KCNQ1: variants seen among roughly 807,000 people sequenced by gnomAD.
KCNQ1 encodes potassium voltage-gated channel subfamily Q member 1, also known as potassium voltage-gated channel subfamily KQT member 1.
In KCNQ1, 49 loss-of-function variants were observed where a neutral mutation model predicts 72.4. That is an observed-to-expected ratio of 0.68 (90% CI 0.54 to 0.86). KCNQ1 has a LOEUF of 0.86. Ranked by LOEUF, KCNQ1 falls within the 40% of genes least tolerant of loss-of-function variation. KCNQ1 has a pLI of 0.00. For missense variants in KCNQ1, 790 were observed against 945.1 expected, an observed-to-expected ratio of 0.84 and a Z score of 2.15; for synonymous variants, 450 against 412.6, an observed-to-expected ratio of 1.09 and a Z score of -1.10.
rs963168641 is a variant in KCNQ1 at position 2,658,913 on chromosome 11, A to C, written c.1394-3048A>C. 2.5e-6 allele frequency: 1 copy of C among 398,536 alleles called. No homozygotes were observed. The allele number at this position is 398,536 out of a possible 1,614,324, so 24.7% of individuals were successfully genotyped here. ...TATTGTACACGTAGTACCCTATGTG[A>C]AGCAAATTTACCTACTAGATTAGAG... is the stretch of plus-strand genomic sequence containing the variant. On this transcript the variant is annotated intron_variant, in intron 10 of 15. Coordinates refer to ENST00000155840, the MANE Select transcript of KCNQ1 (RefSeq NM_000218.3). This position sits in a 1 kb window ranked among gnomAD's most constrained non-coding sequence, Gnocchi z 4.9.
chr11:2,655,214 A>G, intron 10 of KCNQ1: 1 of 398,660 alleles, frequency 2.5e-6, no homozygotes, highest in Non-Finnish European at 4.4e-6. Flanking sequence ...CAGCTGGGGT[A>G]GTCGCCACGC....
chr11:2,658,441 T>C lies in KCNQ1; in HGVS notation c.1394-3520T>C. On this transcript the variant is annotated intron_variant, in intron 10 of 15. Transcript: ENST00000155840. This position sits in a 1 kb window ranked among gnomAD's most constrained non-coding sequence, Gnocchi z 4.9. ...GTTCAAGCTGTGGCCACTGGTGGGT[T>C]CATGTGTCCTTTTGATGTGCCCCCC... 2 of 398,606 alleles carry C rather than the reference T, an allele frequency of 5.0e-6. No homozygotes were observed. Among genetic ancestry groups the C allele is most frequent in the African/African-American group, 4.1e-5 (2 of 48,738 alleles). 24.7% of individuals were successfully genotyped at this position (398,606 alleles called of 1,614,324 possible). A position where few individuals can be genotyped will look rare whatever the true frequency, so the allele number is the denominator to read the frequency against.
Position 2,482,688 on chromosome 11 carries a change from A to G in KCNQ1, c.386+37204A>G, listed in dbSNP as rs950763174. 3.9e-5 allele frequency among the ~76,000 whole-genome samples: 6 copies of G among 151,976 alleles called. No homozygotes were observed. The East Asian group carries it at 1.2e-3, about 29-fold the overall frequency. On this transcript the variant is annotated intron_variant, in intron 1 of 15. Transcript: ENST00000155840. This position sits in a 1 kb window ranked among gnomAD's most constrained non-coding sequence, Gnocchi z 5.7. ...CTGCACCACAAAGCTGGGTATTATC[A>G]TAAAAACACTGCCATTATGATGAAG...
At position 2,542,367 on chromosome 11, in the gene KCNQ1, G is replaced by C. The variant is rs935672251; in HGVS notation, c.477+14349G>C. On this transcript the variant is annotated intron_variant, in intron 2 of 15. Transcript: ENST00000155840. ...GTAAGGGGCCCCGTGCCCACCAAAG[G>C]CGCGCTAATTGCGAAGGAGGGGCCT... Among the ~76,000 whole-genome samples the C allele has an allele frequency of 2.6e-5, 4 of 152,250 alleles. No individual in the cohort carries two copies. The East Asian group carries it at 7.7e-4, about 29-fold the overall frequency.
chr11:2,485,056 G>A (rs912614249), intron 1 of KCNQ1, among the ~76,000 whole-genome samples: 7 of 152,082 alleles, frequency 4.6e-5, no homozygotes, highest in East Asian at 3.9e-4. Context: ...TGTGCACGGC[G>A]CGTCTTGTCT....
intron 11 of KCNQ1, among the ~76,000 whole-genome samples, chr11:2,718,132 G>A (rs911460500): frequency 2.6e-5 from 4 of 152,316 alleles, no homozygotes; most frequent in African/African-American, 9.6e-5. Context: ...AACACTTTGA[G>A]GCCCTCCCTG....
chr11:2,484,850 A>G lies in KCNQ1; in HGVS notation c.386+39366A>G, dbSNP rs1846714112. ...ACATGAGTGGGCTCATACTGTCTCCAACTCCAGTTCTGCCCCAGTGGGGCC... is the reference window on the plus strand; with the variant it reads ...ACATGAGTGGGCTCATACTGTCTCCGACTCCAGTTCTGCCCCAGTGGGGCC... On this transcript the variant is annotated intron_variant, in intron 1 of 15. Coordinates refer to ENST00000155840, the MANE Select transcript of KCNQ1 (RefSeq NM_000218.3). This position sits in a 1 kb window ranked among gnomAD's most constrained non-coding sequence, Gnocchi z 5.2. 6.6e-6 allele frequency among the ~76,000 whole-genome samples: 1 copy of G among 152,120 alleles called. No homozygotes were observed. The highest frequency in any genetic ancestry group is 6.5e-5 in the Admixed American group (1 of 15,270).
chr11:2,459,452 T>C (rs184270860), intron 1 of KCNQ1, among the ~76,000 whole-genome samples: 136 of 152,288 alleles, frequency 8.9e-4, no homozygotes, highest in Admixed American at 2.0e-3. Context: ...TTACCTGTCT[T>C]AGGTAATGAG....
In KCNQ1 at chr11:2,445,265, C is replaced by T; in HGVS notation, c.167C>T (p.Pro56Leu). Residue 56 changes from proline to leucine, a missense_variant, in exon 1 of 16, where the codon CCC becomes CTC. Coordinates refer to ENST00000155840, the MANE Select transcript of KCNQ1 (RefSeq NM_000218.3). ...GGCGCGCTCTACGCGCCCATCGCGC[C>T]CGGCGCCCCAGGTCCCGCGCCCCCT... ...AGGALYAPIA[P>L]GAPGPAPPAS... 1 of 1,224,020 alleles carries T rather than the reference C, an allele frequency of 8.2e-7. No homozygotes were observed. 75.8% of individuals were successfully genotyped at this position (1,224,020 alleles called of 1,614,324 possible). A position where few individuals can be genotyped will look rare whatever the true frequency, so the allele number is the denominator to read the frequency against.
intron 10 of KCNQ1, chr11:2,648,508 A>T: frequency 2.5e-6 from 1 of 398,470 alleles, no homozygotes; most frequent in Non-Finnish European, 4.4e-6. Context: ...TTAAATTTTT[A>T]AAATCAATTT....
Position 2,704,474 on chromosome 11 carries a change from C to T in KCNQ1, c.1514+42393C>T, listed in dbSNP as rs570610247. On this transcript the variant is annotated intron_variant, in intron 11 of 15. Transcript: ENST00000155840. The surrounding 1 kb of genome is among the most constrained non-coding windows in gnomAD (Gnocchi z 4.3). ...CAAATCACATCCCCACCAGGATGGGCAGGCTCTGGGTCCTTTTGGGCCTTG... is the reference window on the plus strand; with the variant it reads ...CAAATCACATCCCCACCAGGATGGGTAGGCTCTGGGTCCTTTTGGGCCTTG... Among the ~76,000 whole-genome samples, 2 of 152,348 alleles carry T rather than the reference C, an allele frequency of 1.3e-5. No homozygotes were observed. Among genetic ancestry groups the T allele is most frequent in the South Asian group, 4.1e-4 (2 of 4,824 alleles).
chr11:2,835,418 CACA>C (rs1848041119), intron 15 of KCNQ1, among the ~76,000 whole-genome samples: 1 of 136,188 alleles, frequency 7.3e-6, no homozygotes, highest in African/African-American at 2.5e-5. Flanking sequence ...CACACACACA[CACA>C]CACACACGCA....
Position 2,723,947 on chromosome 11 carries a change from G to A in KCNQ1, c.1515-44897G>A, listed in dbSNP as rs559825916. Reference sequence around the variant, plus strand: ...GGGCATCTCAGCCTTTGTATCTGCCGTGGGCGTGGAGGCATTTACTCTTTT... The same window carrying A: ...GGGCATCTCAGCCTTTGTATCTGCCATGGGCGTGGAGGCATTTACTCTTTT... On this transcript the variant is annotated intron_variant, in intron 11 of 15. Transcript: ENST00000155840. This position sits in a 1 kb window ranked among gnomAD's most constrained non-coding sequence, Gnocchi z 4.2. 1.5e-4 allele frequency among the ~76,000 whole-genome samples: 23 copies of A among 152,314 alleles called. No individual in the cohort carries two copies. In the East Asian group the frequency reaches 2.3e-3, roughly 15 times the overall value.
At position 2,767,994 on chromosome 11, in the gene KCNQ1, C is replaced by T. The variant is rs527500775; in HGVS notation, c.1515-850C>T. ...ACTGACAAGTGCCCTGAGGAGGAAA[C>T]GCTCGGATGCAGGCGCAGCTCAGTT... On this transcript the variant is annotated intron_variant, in intron 11 of 15. Transcript: ENST00000155840. The surrounding 1 kb of genome is among the most constrained non-coding windows in gnomAD (Gnocchi z 4.6). 1.2e-4 allele frequency among the ~76,000 whole-genome samples: 19 copies of T among 152,312 alleles called. No individual in the cohort carries two copies. Among genetic ancestry groups the T allele is most frequent in the South Asian group, 2.1e-4 (1 of 4,818 alleles).
rs980106655 is a variant in KCNQ1 at position 2,462,300 on chromosome 11, C to T, written c.386+16816C>T. Among the ~76,000 whole-genome samples, 8 of 152,290 alleles carry T rather than the reference C, an allele frequency of 5.3e-5. No homozygotes were observed. Among genetic ancestry groups the T allele is most frequent in the East Asian group, 1.9e-4 (1 of 5,178 alleles). Reference sequence around the variant, plus strand: ...GTGTGGCTGTGGACGAGGGCAGCGTCGCCATCAGAGGCGATGTCTAGGGCC... The same window carrying T: ...GTGTGGCTGTGGACGAGGGCAGCGTTGCCATCAGAGGCGATGTCTAGGGCC... On this transcript the variant is annotated intron_variant, in intron 1 of 15. Transcript: ENST00000155840. This position sits in a 1 kb window ranked among gnomAD's most constrained non-coding sequence, Gnocchi z 8.2.
chr11:2,834,349 G>C (rs891116539), intron 15 of KCNQ1, among the ~76,000 whole-genome samples: 3 of 152,132 alleles, frequency 2.0e-5, no homozygotes, highest in African/African-American at 7.2e-5. Flanking sequence ...ACTGGCTGGG[G>C]AGGGTGGGCA....
At chr11:2,680,675 C>T (rs186646703) in intron 11 of KCNQ1, 1 of 398,580 alleles carries the variant, frequency 2.5e-6, no homozygotes, top group Non-Finnish European at 4.4e-6. Flanking sequence ...ACATTTCTAA[C>T]TCTTCAAGAA....
rs551274203 is a variant in KCNQ1 at position 2,602,817 on chromosome 11, ACTTAT to A, written c.1393+13968_1393+13972del. Among the ~76,000 whole-genome samples the A allele has an allele frequency of 3.3e-4, 51 of 152,324 alleles. No individual in the cohort carries two copies. The highest frequency in any genetic ancestry group is 1.0e-3 in the Admixed American group (16 of 15,294). ...TGGGAGATGTTTATATATTCTAGAT[ACTTAT>A]CTTAAGTCAGAAACAGGGTGCAAAT... On this transcript the variant is annotated intron_variant, in intron 10 of 15. Transcript: ENST00000155840. This position sits in a 1 kb window ranked among gnomAD's most constrained non-coding sequence, Gnocchi z 4.8.
intron 15 of KCNQ1, among the ~76,000 whole-genome samples, chr11:2,843,293 G>A (rs1469005289): frequency 6.6e-6 from 1 of 152,248 alleles, no homozygotes; most frequent in Non-Finnish European, 1.5e-5. Flanking sequence ...CTCCACACAG[G>A]AGCCGGGTCT....
Sources: gnomAD v4.1 joint callset for allele counts (sites outside exome capture counted in the v4.1 genomes callset) on GRCh38, gnomAD v4.1.1 for gene constraint, Gnocchi (gnomAD v3.1) non-coding constraint, MANE v1.5 for transcripts, NCBI Gene and HGNC (gene_info 2026-07-23, HGNC 2026-07-21) for gene names.